The following FREM3 variants were observed in gnomAD, a reference collection of about 807,000 sequenced individuals.
The protein encoded by FREM3 is FRAS1-related extracellular matrix protein 3.
A neutral mutation model predicts 129.1 loss-of-function variants in FREM3; 105 were observed. The ratio of observed to expected loss-of-function variants is 0.81; its 90% CI spans 0.69 to 0.96. The LOEUF is 0.96. Ranked by LOEUF, FREM3 falls within the 40% of genes least tolerant of loss-of-function variation. The probability of loss-of-function intolerance (pLI) is 0.00; values close to 1 mark genes in which losing one functional copy is unlikely to be tolerated. For synonymous variants in FREM3, 1,014 were observed against 1,044.9 expected (o/e 0.97, Z 0.57); for missense variants, 2,593 against 2,666.3 (o/e 0.97, Z 0.61).
At chr4:143,594,760 T>G (rs1339920998) in intron 6 of FREM3, among the ~76,000 whole-genome samples, 1 of 152,226 alleles carries the variant, frequency 6.6e-6, no homozygotes, top group Non-Finnish European at 1.5e-5. Context: ...AAAAATGTCA[T>G]GAAATTCTTT....
chr4:143,687,117 A>G (rs1353811273), intron 2 of FREM3, among the ~76,000 whole-genome samples: 1 of 152,176 alleles, frequency 6.6e-6, no homozygotes, highest in African/African-American at 2.4e-5. Flanking sequence ...TAATCAAGAA[A>G]AGTAGAGAGA....
intron 3 of FREM3, among the ~76,000 whole-genome samples, chr4:143,627,221 C>A (rs1739055518): frequency 6.6e-6 from 1 of 152,024 alleles, no homozygotes; most frequent in South Asian, 2.1e-4. Context: ...GAACTAAACA[C>A]AGTAATGGAT....
chr4:143,665,466 T>C (rs2149854118), intron 2 of FREM3, among the ~76,000 whole-genome samples: 1 of 152,230 alleles, frequency 6.6e-6, no homozygotes, highest in East Asian at 1.9e-4. Context: ...AATAAGTATT[T>C]GTTAATTATA....
At chr4:143,592,925 G>A (rs1738393181) in intron 6 of FREM3, among the ~76,000 whole-genome samples, 4 of 152,132 alleles carry the variant, frequency 2.6e-5, no homozygotes, top group Admixed American at 2.6e-4. Flanking sequence ...TTTCTTGGAG[G>A]CTTTGCTCGT....
intron 2 of FREM3, among the ~76,000 whole-genome samples, chr4:143,691,016 C>A (rs1434039169): frequency 2.0e-5 from 3 of 152,068 alleles, no homozygotes; most frequent in Admixed American, 2.0e-4. Context: ...CATAGAGGAA[C>A]CCTGTTTCTA....
chr4:143,583,917 C>A (rs1056888542), intron 7 of FREM3, among the ~76,000 whole-genome samples: 1 of 152,196 alleles, frequency 6.6e-6, no homozygotes, highest in African/African-American at 2.4e-5. Flanking sequence ...GCATAATAAA[C>A]CGCTAACAAC....
intron 5 of FREM3, among the ~76,000 whole-genome samples, chr4:143,619,090 G>A (rs539331645): frequency 1.3e-5 from 2 of 152,140 alleles, no homozygotes; most frequent in African/African-American, 4.8e-5. Flanking sequence ...TCAAGCTGTC[G>A]AGACCACTGA....
chr4:143,579,836 A>G (rs1560831876), intron 7 of FREM3, among the ~76,000 whole-genome samples: 1 of 152,238 alleles, frequency 6.6e-6, no homozygotes, highest in Non-Finnish European at 1.5e-5. Flanking sequence ...ATAGATTATC[A>G]AGTATAAACC....
chr4:143,641,625 AGCCAAGTTCTTG>A (rs1739322170), intron 2 of FREM3, among the ~76,000 whole-genome samples: 1 of 152,222 alleles, frequency 6.6e-6, no homozygotes, highest in Non-Finnish European at 1.5e-5. Context: ...AGATGTCATT[AGCCAAGTTCTTG>A]GCCAACACTT....
chr4:143,678,966 T>C (rs1740199770), intron 2 of FREM3, among the ~76,000 whole-genome samples: 2 of 152,184 alleles, frequency 1.3e-5, no homozygotes. Context: ...GATGCACATA[T>C]ACATATTCTG....
Position 143,577,664 on chromosome 4 carries a change from T to C in FREM3, c.6367A>G (p.Ile2123Val), listed in dbSNP as rs1738063863. 1.3e-6 allele frequency: 2 copies of C among 1,537,336 alleles called. No homozygotes were observed. Among genetic ancestry groups the C allele is most frequent in the Non-Finnish European group, 1.7e-6 (2 of 1,146,906 alleles). ...LGEPNKTTIF[I>V]EDTITDCKQS... ...TTACAGTCCGTGATGGTGTCCTCGA[T>C]GAAAATGGTAGTTTTATTTGGTTCT... The change falls in exon 8 of 8, where the codon ATC becomes GTC. Residue 2123 changes from isoleucine (I) to valine (V), a missense_variant. Transcript: ENST00000329798.
At position 143,664,117 on chromosome 4, in the gene FREM3, G is replaced by A. The variant is rs542004003; in HGVS notation, c.5275+28996C>T. ...GTCATTCTCCGTCCCGCTTTGTTCCGTTGCTGGTGAGGAACTGCATTCCTT... is the reference window on the plus strand; with the variant it reads ...GTCATTCTCCGTCCCGCTTTGTTCCATTGCTGGTGAGGAACTGCATTCCTT... On this transcript the variant is annotated intron_variant, in intron 2 of 7. Coordinates refer to ENST00000329798, the MANE Select transcript of FREM3 (RefSeq NM_001168235.2). Among the ~76,000 whole-genome samples, 52 of 152,218 alleles carry A rather than the reference G, an allele frequency of 3.4e-4. 1 individual carries two copies. The highest frequency in any genetic ancestry group is 7.7e-4 in the African/African-American group (32 of 41,550).
At position 143,699,448 on chromosome 4, in the gene FREM3, C is replaced by T. The variant is rs1185566065; in HGVS notation, c.1228G>A (p.Asp410Asn). The change falls in exon 1 of 8, where the codon GAC becomes AAC. Residue 410 changes from aspartate (D) to asparagine (N), a missense_variant. Coordinates refer to ENST00000329798, the MANE Select transcript of FREM3 (RefSeq NM_001168235.2). The surrounding 1 kb of genome is among the most constrained non-coding windows in gnomAD (Gnocchi z 4.2). ...RLFQLELEVV[D>N]GDGAASDPFA... is the part of the protein sequence containing the mutation. Reference sequence around the variant, plus strand: ...GGGTCTGAGGCGGCGCCGTCTCCGTCCACCACCTCCAGCTCCAGCTGAAAG... The same window carrying T: ...GGGTCTGAGGCGGCGCCGTCTCCGTTCACCACCTCCAGCTCCAGCTGAAAG... The T allele has an allele frequency of 6.5e-7, 1 of 1,537,310 alleles. No individual in the cohort carries two copies. The highest frequency in any genetic ancestry group is 8.7e-7 in the Non-Finnish European group (1 of 1,146,932).
chr4:143,615,906 C>T (rs564440711), intron 5 of FREM3, among the ~76,000 whole-genome samples: 19 of 152,248 alleles, frequency 1.2e-4, no homozygotes, highest in Admixed American at 1.2e-3. Context: ...GCAAGGGCAC[C>T]TCACAGAGCT....
chr4:143,696,263 A>T lies in FREM3; in HGVS notation c.4413T>A (p.Gly1471=). The T allele has an allele frequency of 6.5e-7, 1 of 1,537,754 alleles. No individual in the cohort carries two copies. Among genetic ancestry groups the T allele is most frequent in the South Asian group, 1.2e-5 (1 of 84,050 alleles). ...CAGCATAGTCAGAACTTTCTAAGTG[A>T]CCCAGGCTTGGAGCCCGTGTAATGC... The part of the protein sequence containing the change: ...HFSITRAPSL[G]HLESSDYAGE... The change falls in exon 1 of 8, where the codon GGT becomes GGA. Residue 1471 remains glycine (G), a synonymous_variant. Coordinates refer to ENST00000329798, the MANE Select transcript of FREM3 (RefSeq NM_001168235.2).
intron 2 of FREM3, among the ~76,000 whole-genome samples, chr4:143,639,680 A>G (rs1300656227): frequency 6.6e-6 from 1 of 152,288 alleles, no homozygotes; most frequent in East Asian, 1.9e-4. Context: ...AGGAGGGTGA[A>G]TTCCCTAGAA....
At chr4:143,643,742 T>C (rs907102515) in intron 2 of FREM3, among the ~76,000 whole-genome samples, 1 of 152,070 alleles carries the variant, frequency 6.6e-6, no homozygotes, top group African/African-American at 2.4e-5. Flanking sequence ...GTTCTGGTGT[T>C]CTGTTGCACA....
chr4:143,644,766 C>T (rs188569254), intron 2 of FREM3, among the ~76,000 whole-genome samples: 1 of 152,044 alleles, frequency 6.6e-6, no homozygotes, highest in African/African-American at 2.4e-5. Flanking sequence ...CTTTATAGTA[C>T]AAGCTATACA....
chr4:143,700,344 G>A lies in FREM3; in HGVS notation c.332C>T (p.Ser111Phe), dbSNP rs1429924172. Residue 111 changes from serine to phenylalanine, a missense_variant, in exon 1 of 8, where the codon TCC (serine) becomes TTC (phenylalanine). This residue lies in a region of FREM3 where 2,276 missense variants were observed against 2,267.2 expected (regional missense o/e 1.00). Coordinates refer to ENST00000329798, the MANE Select transcript of FREM3 (RefSeq NM_001168235.2). The part of the protein sequence containing the change: ...DALPRLKGAL[S>F]PRRFPCTFGP... ...GAAGGTGCAGGGGAAGCGGCGCGGG[G>A]AGAGCGCGCCCTTGAGCCGCGGCAG... 3 of 1,534,836 alleles carry A rather than the reference G, an allele frequency of 2.0e-6. No homozygotes were observed. The highest frequency in any genetic ancestry group is 2.6e-6 in the Non-Finnish European group (3 of 1,145,904).
Sources: gnomAD v4.1 joint callset for allele counts (sites outside exome capture counted in the v4.1 genomes callset) on GRCh38, gnomAD v4.1.1 for gene constraint, gnomAD v4.1.1 regional missense constraint, Gnocchi (gnomAD v3.1) non-coding constraint, MANE v1.5 for transcripts, NCBI Gene and HGNC (gene_info 2026-07-23, HGNC 2026-07-21) for gene names.